PTPRD: variants seen among roughly 807,000 people sequenced by gnomAD.
The protein encoded by PTPRD is receptor-type tyrosine-protein phosphatase delta.
PTPRD carries 34 observed loss-of-function variants against 214.5 expected under a neutral mutation model. The observed-to-expected ratio is 0.16, with a 90% CI of 0.12 to 0.21. PTPRD has a LOEUF of 0.21. Ranked by LOEUF, PTPRD falls within the 10% of genes least tolerant of loss-of-function variation. The pLI is 1.00. For missense variants in PTPRD, 2,545 were observed against 2,398.7 expected (o/e 1.06, Z -1.27); for synonymous variants, 1,128 against 845.7 (o/e 1.33, Z -5.79).
At chr9:10,594,676 G>A (rs948236227) in intron 2 of PTPRD, among the ~76,000 whole-genome samples, 3 of 151,880 alleles carry the variant, frequency 2.0e-5, no homozygotes, top group Admixed American at 6.6e-5. Context: ...ACCATCCATC[G>A]AATGAGAGAC....
intron 2 of PTPRD, among the ~76,000 whole-genome samples, chr9:10,414,920 G>T (rs113410090): frequency 0.016 from 2,375 of 151,780 alleles, 48 homozygotes; most frequent in South Asian, 0.046. Flanking sequence ...AGATACTGGG[G>T]TCTACTTGAG....
At chr9:10,106,755 G>GA (rs1416194575) in intron 3 of PTPRD, among the ~76,000 whole-genome samples, 3 of 151,676 alleles carry the variant, frequency 2.0e-5, no homozygotes, top group South Asian at 2.1e-4. Flanking sequence ...AATAGACATA[G>GA]AAAAAAAGCA....
At chr9:10,536,486 A>G (rs1590289162) in intron 2 of PTPRD, among the ~76,000 whole-genome samples, 1 of 152,130 alleles carries the variant, frequency 6.6e-6, no homozygotes, top group East Asian at 1.9e-4. Context: ...GTTTATGAGA[A>G]ACTTCATAAT....
chr9:8,834,818 G>A (rs2097377599), intron 11 of PTPRD, among the ~76,000 whole-genome samples: 1 of 152,148 alleles, frequency 6.6e-6, no homozygotes, highest in Non-Finnish European at 1.5e-5. Context: ...TGTGGCTCTG[G>A]GCAAAATATA....
At chr9:9,519,789 C>T (rs2096921963) in intron 8 of PTPRD, among the ~76,000 whole-genome samples, 1 of 151,930 alleles carries the variant, frequency 6.6e-6, no homozygotes, top group Non-Finnish European at 1.5e-5. Flanking sequence ...TCAAATTGTT[C>T]TATACATTCA....
chr9:9,054,168 C>T (rs1047307948), intron 10 of PTPRD, among the ~76,000 whole-genome samples: 1 of 152,180 alleles, frequency 6.6e-6, no homozygotes, highest in Admixed American at 6.5e-5. Context: ...TCCTATAAGG[C>T]AAGTTCTGTT....
chr9:9,979,845 G>T (rs972003014), intron 4 of PTPRD, among the ~76,000 whole-genome samples: 6 of 152,146 alleles, frequency 3.9e-5, no homozygotes, highest in Non-Finnish European at 8.8e-5. Flanking sequence ...TCTTTATATA[G>T]ATGAAAATTA....
At chr9:9,325,857 G>C (rs145886935) in intron 9 of PTPRD, among the ~76,000 whole-genome samples, 174 of 152,250 alleles carry the variant, frequency 1.1e-3, no homozygotes, top group Middle Eastern at 3.4e-3. Flanking sequence ...ATTATTTTGA[G>C]ATATGTTCCA....
intron 11 of PTPRD, among the ~76,000 whole-genome samples, chr9:8,779,871 A>C (rs187194035): frequency 6.7e-4 from 101 of 151,570 alleles, no homozygotes; most frequent in African/African-American, 2.4e-3. Context: ...GGTATGATCA[A>C]CAAGAGATGT....
At chr9:8,408,374 G>C (rs935397817) in intron 35 of PTPRD, among the ~76,000 whole-genome samples, 5 of 152,032 alleles carry the variant, frequency 3.3e-5, no homozygotes, top group African/African-American at 1.2e-4. Context: ...TTGACTCCTA[G>C]ATATGTCTAC....
intron 9 of PTPRD, among the ~76,000 whole-genome samples, chr9:9,280,046 G>A (rs1333987846): frequency 6.6e-6 from 1 of 151,284 alleles, no homozygotes; most frequent in African/African-American, 2.4e-5. Flanking sequence ...CAATGCTTTA[G>A]CATAGCAAAA....
chr9:9,833,802 G>A (rs148413401), intron 5 of PTPRD, among the ~76,000 whole-genome samples: 24 of 152,086 alleles, frequency 1.6e-4, no homozygotes, highest in African/African-American at 5.5e-4. Context: ...GAGAAATATG[G>A]CTCTGTTCTG....
chr9:8,891,025 G>A (rs1489625190), intron 11 of PTPRD, among the ~76,000 whole-genome samples: 1 of 151,830 alleles, frequency 6.6e-6, no homozygotes, highest in Non-Finnish European at 1.5e-5. Flanking sequence ...GAAGTGAATT[G>A]TATCACTTTA....
At chr9:9,912,912 A>C (rs901936207) in intron 5 of PTPRD, among the ~76,000 whole-genome samples, 1 of 152,176 alleles carries the variant, frequency 6.6e-6, no homozygotes, top group Admixed American at 6.5e-5. Context: ...TGCATCTTAC[A>C]ATTTCCTAAA....
chr9:10,261,386 T>C (rs2093690481), intron 3 of PTPRD, among the ~76,000 whole-genome samples: 1 of 152,074 alleles, frequency 6.6e-6, no homozygotes, highest in Non-Finnish European at 1.5e-5. Flanking sequence ...ACATTTGAAA[T>C]TGAGCTACCC....
intron 2 of PTPRD, among the ~76,000 whole-genome samples, chr9:10,459,364 T>C (rs938598205): frequency 6.6e-6 from 1 of 152,198 alleles, no homozygotes; most frequent in South Asian, 2.1e-4. Context: ...TAGACATATA[T>C]GTGCATGCGT....
chr9:10,216,600 T>C (rs905730569), intron 3 of PTPRD, among the ~76,000 whole-genome samples: 2 of 152,012 alleles, frequency 1.3e-5, no homozygotes, highest in African/African-American at 4.8e-5. Context: ...ATACTAAAAA[T>C]GCATACAATG....
At chr9:10,231,727 A>C (rs1322138) in intron 3 of PTPRD, among the ~76,000 whole-genome samples, 113,435 of 151,746 alleles carry the variant, frequency 0.75, 42,989 homozygotes, top group East Asian at 0.89. Flanking sequence ...TGATAATTTG[A>C]AAATTATTGA....
intron 20 of PTPRD, 39 bp from the exon 21 acceptor site, chr9:8,518,468 A>G (rs890488457): frequency 7.3e-7 from 1 of 1,369,532 alleles, no homozygotes; most frequent in Admixed American, 2.2e-5. Context: ...ACTACCCATC[A>G]TCCCTATAAT....
Sources: allele counts gnomAD v4.1 joint callset (sites outside exome capture counted in the v4.1 genomes callset), GRCh38; gene constraint gnomAD v4.1.1; transcripts MANE v1.5; gene names NCBI Gene and HGNC (gene_info 2026-07-23, HGNC 2026-07-21).